Variants in CALN1 observed in about 807,000 individuals in gnomAD.
The protein encoded by CALN1 is calneuron 1.
CALN1 carries 17 observed loss-of-function variants against 30.6 expected under a neutral mutation model. The ratio of observed to expected loss-of-function variants is 0.56; its 90% confidence interval spans 0.38 to 0.83. CALN1 has a LOEUF of 0.83. Ranked by LOEUF, CALN1 falls within the 40% of genes least tolerant of loss-of-function variation. The pLI, the probability that CALN1 is intolerant of heterozygous loss-of-function variation, is 0.00. For missense variants in CALN1, 291 were observed against 354.9 expected (o/e 0.82, Z 1.45); for synonymous variants, 156 against 131.4 (o/e 1.19, Z -1.28).
At chr7:72,446,521 G>A (rs976105141) in intron 1 of CALN1, among the ~76,000 whole-genome samples, 2 of 152,066 alleles carry the variant, frequency 1.3e-5, no homozygotes, top group Admixed American at 6.6e-5. Flanking sequence ...GGGCAGGGGC[G>A]GGGAGGGGGG....
chr7:72,124,434 G>GT (rs1400507495), intron 3 of CALN1, among the ~76,000 whole-genome samples: 1 of 152,114 alleles, frequency 6.6e-6, no homozygotes, highest in East Asian at 1.9e-4. Flanking sequence ...GAGGCCAGGA[G>GT]TTTGAGACCA....
chr7:72,092,448 A>C (rs1805930563), intron 4 of CALN1, among the ~76,000 whole-genome samples: 1 of 152,092 alleles, frequency 6.6e-6, no homozygotes, highest in East Asian at 1.9e-4. Flanking sequence ...ACACACCCAC[A>C]CACACATATA....
intron 5 of CALN1, among the ~76,000 whole-genome samples, chr7:71,946,791 G>C (rs1293565048): frequency 1.3e-5 from 2 of 150,536 alleles, no homozygotes; most frequent in Non-Finnish European, 2.9e-5. Flanking sequence ...ACACGGTCTG[G>C]AATCAGGATT....
chr7:72,454,480 G>C, the CALN1 span, among the ~76,000 whole-genome samples: 1 of 152,162 alleles, frequency 6.6e-6, no homozygotes, highest in East Asian at 1.9e-4. Context: ...GTTTTGAATG[G>C]CAATGAACTT....
chr7:72,082,055 C>T (rs1805181217), intron 4 of CALN1, among the ~76,000 whole-genome samples: 1 of 151,880 alleles, frequency 6.6e-6, no homozygotes, highest in African/African-American at 2.4e-5. Context: ...GGTGCAGTCT[C>T]GGCTCACTGC....
Position 72,229,724 on chromosome 7 carries a change from T to G in CALN1, c.244+48962A>C, listed in dbSNP as rs149446634. 9.3e-3 allele frequency among the ~76,000 whole-genome samples: 1,419 copies of G among 151,898 alleles called. 56 individuals carry two copies. The East Asian group carries it at 0.12, about 13-fold the overall frequency. On this transcript the variant is annotated intron_variant, in intron 3 of 6. Transcript: ENST00000395275. ...GCATGTTCTCACTCATAAGTGGAAG[T>G]TGAACAATGAGAACACATGGACACA... is the stretch of plus-strand genomic sequence containing the variant.
chr7:72,152,710 A>G (rs1787348138), intron 3 of CALN1, among the ~76,000 whole-genome samples: 1 of 152,084 alleles, frequency 6.6e-6, no homozygotes, highest in Middle Eastern at 3.2e-3. Context: ...ACCAGCCGAG[A>G]GAGAGGCACC....
At chr7:72,282,135 T>C (rs1195626824) in intron 2 of CALN1, among the ~76,000 whole-genome samples, 1 of 152,138 alleles carries the variant, frequency 6.6e-6, no homozygotes, top group Non-Finnish European at 1.5e-5. Flanking sequence ...AGGACTAAAT[T>C]TCACTCCAAG....
At chr7:72,254,620 C>G (rs981478208) in intron 3 of CALN1, among the ~76,000 whole-genome samples, 4 of 152,258 alleles carry the variant, frequency 2.6e-5, no homozygotes, top group African/African-American at 9.6e-5. Flanking sequence ...GGCACTTCCT[C>G]ACTCCGTTGT....
intron 5 of CALN1, among the ~76,000 whole-genome samples, chr7:71,839,376 A>T (rs1040798930): frequency 1.3e-5 from 2 of 152,114 alleles, no homozygotes; most frequent in African/African-American, 4.8e-5. Flanking sequence ...TACTATAAAT[A>T]CAAAAAGTAG....
At chr7:72,333,160 C>T (rs1562896864) in intron 2 of CALN1, among the ~76,000 whole-genome samples, 1 of 152,204 alleles carries the variant, frequency 6.6e-6, no homozygotes, top group Non-Finnish European at 1.5e-5. Flanking sequence ...GAAAAGCTAA[C>T]CACGTCCTAA....
chr7:72,137,570 C>T (rs1485954661), intron 3 of CALN1, among the ~76,000 whole-genome samples: 2 of 152,188 alleles, frequency 1.3e-5, no homozygotes, highest in Non-Finnish European at 2.9e-5. Flanking sequence ...AACAAAAAAA[C>T]ACAGTATCTG....
intron 5 of CALN1, among the ~76,000 whole-genome samples, chr7:71,900,639 A>G (rs1299559572): frequency 6.6e-6 from 1 of 152,218 alleles, no homozygotes; most frequent in Non-Finnish European, 1.5e-5. Flanking sequence ...GGTTAGCACA[A>G]GGACCCCAGT....
chr7:72,100,768 C>A (rs1462944846), intron 4 of CALN1, among the ~76,000 whole-genome samples: 2 of 126,286 alleles, frequency 1.6e-5, no homozygotes, highest in Non-Finnish European at 3.1e-5. Flanking sequence ...TGCAGTGAGC[C>A]AAGATCGCGC....
chr7:72,309,971 A>G (rs768907026), intron 2 of CALN1, among the ~76,000 whole-genome samples: 7 of 152,140 alleles, frequency 4.6e-5, no homozygotes, highest in Non-Finnish European at 8.8e-5. Flanking sequence ...TTCCCTGAGC[A>G]CTGCACCCTG....
At chr7:72,020,792 T>C (rs533951304) in intron 5 of CALN1, among the ~76,000 whole-genome samples, 187 of 152,306 alleles carry the variant, frequency 1.2e-3, no homozygotes, top group African/African-American at 4.4e-3. Context: ...TTGTAAGAGA[T>C]ATATTTCCTT....
Position 72,122,746 on chromosome 7 carries a change from A to G in CALN1, c.245-16452T>C, listed in dbSNP as rs77627828. On this transcript the variant is annotated intron_variant, in intron 3 of 6. Coordinates refer to ENST00000395275, the MANE Select transcript of CALN1 (RefSeq NM_031468.4). ...GCCTCTAAGAAACAAGCAAACAAAC[A>G]AAGCTAAGTTTATCTTCGGATCATT... Among the ~76,000 whole-genome samples the G allele has an allele frequency of 9.9e-3, 1,502 of 152,224 alleles. 24 individuals carry two copies. Among genetic ancestry groups the G allele is most frequent in the African/African-American group, 0.034 (1,424 of 41,534 alleles).
At chr7:71,832,797 G>A (rs535854460) in intron 5 of CALN1, among the ~76,000 whole-genome samples, 11 of 151,650 alleles carry the variant, frequency 7.3e-5, no homozygotes, top group Admixed American at 6.6e-4. Flanking sequence ...GTAAAGAAGG[G>A]GTTTCGCCAT....
intron 4 of CALN1, among the ~76,000 whole-genome samples, chr7:72,059,500 T>A (rs1803499939): frequency 6.6e-6 from 1 of 152,206 alleles, no homozygotes; most frequent in Admixed American, 6.5e-5. Context: ...CAGGCTAAAT[T>A]TAAAGGAAAC....
Sources: allele counts gnomAD v4.1 joint callset (sites outside exome capture counted in the v4.1 genomes callset), GRCh38; gene constraint gnomAD v4.1.1; transcripts MANE v1.5; gene names NCBI Gene and HGNC (gene_info 2026-07-23, HGNC 2026-07-21).